Variants in CLEC6A observed in about 807,000 individuals in gnomAD.
CLEC6A encodes the protein C-type lectin domain containing 6A, also known as C-type lectin domain family 6 member A.
Under a neutral mutation model 25.7 loss-of-function variants are expected in CLEC6A, and 22 were observed. The ratio of observed to expected loss-of-function variants is 0.85; its 90% confidence interval spans 0.61 to 1.22. The LOEUF (loss-of-function observed/expected upper bound fraction) is 1.22. CLEC6A is among the 50% of genes most tolerant of loss of function. The pLI is 0.00. For synonymous variants in CLEC6A, 92 were observed against 76.7 expected (o/e 1.20, Z -1.04); for missense variants, 240 against 236.8 (o/e 1.01, Z -0.09).
intron 3 of CLEC6A, among the ~76,000 whole-genome samples, chr12:8,460,157 G>T (rs1370877375): frequency 6.6e-6 from 1 of 152,216 alleles, no homozygotes; most frequent in African/African-American, 2.4e-5. Context: ...TATGCGGAGA[G>T]TTGGCAGAGT....
At chr12:8,476,041 T>C (rs1028970499) in intron 4 of CLEC6A, 84 bp from the exon 5 acceptor site, 26 of 778,378 alleles carry the variant, frequency 3.3e-5, no homozygotes, top group African/African-American at 2.6e-4. Flanking sequence ...TTCTAAAGAA[T>C]AGCTCTGAAG....
At chr12:8,476,398 TTC>T (rs910225330) in intron 5 of CLEC6A, among the ~76,000 whole-genome samples, 158 bp downstream of exon 5, 7 of 152,294 alleles carry the variant, frequency 4.6e-5, no homozygotes, top group African/African-American at 1.4e-4. Context: ...TCATGAAAAC[TTC>T]TCTTTTTATG....
chr12:8,472,083 A>C (rs953280266), intron 4 of CLEC6A, among the ~76,000 whole-genome samples: 3 of 152,106 alleles, frequency 2.0e-5, no homozygotes, highest in Admixed American at 2.0e-4. Flanking sequence ...TCAAAAAAAC[A>C]CCTATTCTAG....
intron 3 of CLEC6A, among the ~76,000 whole-genome samples, chr12:8,464,184 CTT>C (rs1491393504): frequency 6.6e-6 from 1 of 151,822 alleles, no homozygotes; most frequent in African/African-American, 2.4e-5. Flanking sequence ...TTTTTAATCA[CTT>C]AATATGTAAT....
intron 3 of CLEC6A, among the ~76,000 whole-genome samples, chr12:8,460,188 G>C (rs1272021056): frequency 6.6e-6 from 1 of 152,178 alleles, no homozygotes; most frequent in Non-Finnish European, 1.5e-5. Flanking sequence ...ATTATGGTTG[G>C]TGTATTAGTC....
rs1201585905 is a variant in CLEC6A, at chr12:8,477,374, C to A, written c.540C>A (p.Val180=). The change falls in exon 6 of 6, where the codon GTC becomes GTA. Residue 180 remains valine, a synonymous_variant. Transcript: ENST00000382073. ...NHSAEQCASI[V]FWKPTGWGWN... Reference sequence around the variant, plus strand: ...CTGCAGAGCAATGTGCTTCAATAGTCTTCTGGAAACCTACAGGATGGGGCT... The same window carrying A: ...CTGCAGAGCAATGTGCTTCAATAGTATTCTGGAAACCTACAGGATGGGGCT... 1.2e-6 allele frequency: 2 copies of A among 1,612,364 alleles called. No individual in the cohort carries two copies. Among genetic ancestry groups the A allele is most frequent in the African/African-American group, 2.7e-5 (2 of 74,820 alleles).
At chr12:8,473,873 C>G (rs965844016) in intron 4 of CLEC6A, among the ~76,000 whole-genome samples, 4 of 152,074 alleles carry the variant, frequency 2.6e-5, no homozygotes, top group African/African-American at 9.6e-5. Context: ...TATATATCTT[C>G]TTTTGAGAAG....
chr12:8,456,196 C>T, intron 1 of CLEC6A, 54 bp downstream of exon 1: 1 of 1,554,740 alleles, frequency 6.4e-7, no homozygotes, highest in Non-Finnish European at 8.9e-7. Context: ...GAAATGAGAT[C>T]ACCTGGAGAG....
rs1275110813 is a variant in CLEC6A at position 8,459,607 on chromosome 12, T to A, written c.132T>A (p.His44Gln). Residue 44 changes from histidine to glutamine, a missense_variant, in exon 3 of 6, where the codon CAT becomes CAA. Transcript: ENST00000382073. ...CFIVSCVVTY[H>Q]FTYGETGKRL... ...CTTCTTCCTTTACAGTAACTTACCA[T>A]TTTACATATGGTGAAACTGGCAAAA... 2 of 1,602,650 alleles carry A rather than the reference T, an allele frequency of 1.2e-6. No individual in the cohort carries two copies. Among genetic ancestry groups the A allele is most frequent in the Non-Finnish European group, 1.7e-6 (2 of 1,169,642 alleles).
At chr12:8,462,132 G>A (rs926162604) in intron 3 of CLEC6A, among the ~76,000 whole-genome samples, 1 of 152,066 alleles carries the variant, frequency 6.6e-6, no homozygotes, top group Non-Finnish European at 1.5e-5. Context: ...GGCTGTGCAG[G>A]ATGTGCTTTG....
intron 2 of CLEC6A, 50 bp from the exon 3 acceptor site, chr12:8,459,547 C>A: frequency 8.2e-7 from 1 of 1,218,784 alleles, no homozygotes. Flanking sequence ...GAGCCTAAGG[C>A]TTTATAGCAA....
chr12:8,476,153 C>A lies in CLEC6A; in HGVS notation c.398C>A (p.Ser133Ter), dbSNP rs1939971067. The A allele has an allele frequency of 3.1e-6, 5 of 1,609,878 alleles. No individual in the cohort carries two copies. The South Asian group carries it at 4.4e-5, about 14-fold the overall frequency. ...TTCATTGTCCAGCAGCTGAATGAGT[C>A]ATTTTCTTATTTTCTGGGGCTTTCA... ...QNFIVQQLNE[S>*]FSYFLGLSDP... The change falls in exon 5 of 6, where the codon TCA becomes TAA. Residue 133 changes from serine (S) to a stop codon, truncating the protein, a stop_gained. Transcript: ENST00000382073. LOFTEE classifies it high-confidence loss of function.
At chr12:8,459,407 A>C (rs1939722242) in intron 2 of CLEC6A, among the ~76,000 whole-genome samples, 190 bp from the exon 3 acceptor site, 1 of 152,136 alleles carries the variant, frequency 6.6e-6, no homozygotes. Context: ...CCAAAAAATT[A>C]AATGAGGGAT....
Position 8,462,462 on chromosome 12 carries a change from G to A in CLEC6A, c.223+2764G>A, listed in dbSNP as rs747801756. Among the ~76,000 whole-genome samples, 994 of 141,674 alleles carry A rather than the reference G, an allele frequency of 7.0e-3. 15 individuals carry two copies. The highest frequency in any genetic ancestry group is 0.025 in the African/African-American group (963 of 38,482). 92.9% of individuals were successfully genotyped at this position (141,674 alleles called of 152,430 possible). On this transcript the variant is annotated intron_variant, in intron 3 of 5. Coordinates refer to ENST00000382073, the MANE Select transcript of CLEC6A (RefSeq NM_001007033.2). Reference sequence around the variant, plus strand: ...CGTCCATGGGCAATGGAATGTCTCGGTATAAAACCCGATTGTATGTTCCAT... The same window carrying A: ...CGTCCATGGGCAATGGAATGTCTCGATATAAAACCCGATTGTATGTTCCAT...
At chr12:8,460,658 A>G (rs1451570548) in intron 3 of CLEC6A, 8 of 1,491,226 alleles carry the variant, frequency 5.4e-6, no homozygotes, top group Non-Finnish European at 7.4e-6. Flanking sequence ...TGGAGAAAGA[A>G]GCAGTCTGAT....
chr12:8,468,265 T>G (rs1157284807), intron 4 of CLEC6A, among the ~76,000 whole-genome samples: 1 of 152,226 alleles, frequency 6.6e-6, no homozygotes, highest in East Asian at 1.9e-4. Flanking sequence ...TAAATGGGAT[T>G]ATTTTCTCAA....
intron 3 of CLEC6A, among the ~76,000 whole-genome samples, chr12:8,465,244 T>TA (rs1491525618): frequency 3.8e-3 from 1 of 260 alleles, no homozygotes; most frequent in African/African-American, 4.9e-3. Context: ...CAATAGTGAC[T>TA]TTTTTTTTTT....
At chr12:8,469,060 C>G (rs931742296) in intron 4 of CLEC6A, among the ~76,000 whole-genome samples, 2 of 152,134 alleles carry the variant, frequency 1.3e-5, no homozygotes, top group Non-Finnish European at 2.9e-5. Flanking sequence ...CCAAAAAGTT[C>G]CTAAAACTGA....
chr12:8,466,139 C>T lies in CLEC6A; in HGVS notation c.369+510C>T, dbSNP rs188224836. ...AAGTAGTATATATTTAAGGTGTACA[C>T]TGTGATGATTTGATATACAAATATA... On this transcript the variant is annotated intron_variant, in intron 4 of 5. Transcript: ENST00000382073. 2.4e-3 allele frequency among the ~76,000 whole-genome samples: 371 copies of T among 152,282 alleles called. 2 individuals carry two copies. Among genetic ancestry groups the T allele is most frequent in the Non-Finnish European group, 3.9e-3 (264 of 68,026 alleles).
Sources: allele counts gnomAD v4.1 joint callset (sites outside exome capture counted in the v4.1 genomes callset), GRCh38; gene constraint gnomAD v4.1.1; transcripts MANE v1.5; gene names NCBI Gene and HGNC (gene_info 2026-07-23, HGNC 2026-07-21).